The following GTF3C1 variants were observed in gnomAD, a reference collection of about 807,000 sequenced individuals.
The protein encoded by GTF3C1 is general transcription factor 3C polypeptide 1.
In GTF3C1, 57 loss-of-function variants were observed where a neutral mutation model predicts 226.7. That is an observed-to-expected ratio of 0.25 (90% CI 0.20 to 0.31). The LOEUF is 0.31. Ranked by LOEUF, GTF3C1 falls within the 10% of genes least tolerant of loss-of-function variation. GTF3C1 has a pLI of 1.00. For synonymous variants in GTF3C1, 1,090 were observed against 1,084.8 expected, an observed-to-expected ratio of 1.00 and a Z score of -0.09; for missense variants, 2,217 against 2,776.1, an observed-to-expected ratio of 0.80 and a Z score of 4.53.
At position 27,470,787 on chromosome 16, in the gene GTF3C1, C is replaced by T; in HGVS notation, c.4527-392G>A. ...CCAGCCCTGGTCTTACACATGTGCC[C>T]AAGCTGTCTCCACGCAGTGCCTGGT... On this transcript the variant is annotated intron_variant, in intron 30 of 36. Transcript: ENST00000356183. The surrounding 1 kb of genome is among the most constrained non-coding windows in gnomAD (Gnocchi z 4.9). 9.4e-6 allele frequency: 2 copies of T among 213,452 alleles called. No individual in the cohort carries two copies. The highest frequency in any genetic ancestry group is 9.5e-6 in the Non-Finnish European group (1 of 105,330). The allele number at this position is 213,452 out of a possible 1,614,324, so 13.2% of individuals were successfully genotyped here. A position where few individuals can be genotyped will look rare whatever the true frequency, so the allele number is the denominator to read the frequency against.
At chr16:27,527,177 C>T (rs546719117) in intron 6 of GTF3C1, among the ~76,000 whole-genome samples, 2 of 152,224 alleles carry the variant, frequency 1.3e-5, no homozygotes, top group African/African-American at 4.8e-5. Flanking sequence ...CACTGCACTC[C>T]AGCCTGGGAA....
chr16:27,509,066 A>G (rs1023513367), intron 7 of GTF3C1, among the ~76,000 whole-genome samples: 2 of 152,210 alleles, frequency 1.3e-5, no homozygotes, highest in African/African-American at 2.4e-5. Context: ...TTAATTCAGA[A>G]CTTTTCTTAA....
chr16:27,545,584 C>T (rs1596667549), intron 1 of GTF3C1, 61 bp from the exon 2 acceptor site: 3 of 998,908 alleles, frequency 3.0e-6, no homozygotes, highest in South Asian at 2.6e-5. Flanking sequence ...GTGTGCTTGG[C>T]TGTGTTCTTT....
chr16:27,488,742 G>T, intron 21 of GTF3C1, 107 bp from the exon 22 acceptor site: 1 of 911,200 alleles, frequency 1.1e-6, no homozygotes, highest in Non-Finnish European at 1.7e-6. Context: ...GGGCCGCTGT[G>T]CACTGACAGC....
At chr16:27,539,000 TCATC>T (rs1300499378) in intron 2 of GTF3C1, among the ~76,000 whole-genome samples, 4 of 107,328 alleles carry the variant, frequency 3.7e-5, no homozygotes, top group African/African-American at 1.2e-4. Flanking sequence ...ACACACACAC[TCATC>T]TTTTTTTTTT....
At chr16:27,480,767 T>C (rs547116085) in intron 27 of GTF3C1, 1 of 326,784 alleles carries the variant, frequency 3.1e-6, no homozygotes, top group South Asian at 4.0e-5. Flanking sequence ...TTACAAGCAC[T>C]GTGACCTTGG....
At chr16:27,506,440 C>T (rs916376427) in intron 9 of GTF3C1, among the ~76,000 whole-genome samples, 3 of 152,128 alleles carry the variant, frequency 2.0e-5, no homozygotes, top group South Asian at 2.1e-4. Context: ...GGACATTTAA[C>T]GATGTCCCCA....
chr16:27,471,737 C>G lies in GTF3C1; in HGVS notation c.4526+11G>C. 6.2e-7 allele frequency: 1 copy of G among 1,608,108 alleles called. No homozygotes were observed. Among genetic ancestry groups the G allele is most frequent in the East Asian group, 2.2e-5 (1 of 44,828 alleles). On this transcript the variant is annotated intron_variant, in intron 30 of 36. Transcript: ENST00000356183. This position sits in a 1 kb window ranked among gnomAD's most constrained non-coding sequence, Gnocchi z 5.0. ...ACCTCGGAGTACCCAAGGCTCCTGACAGGTACTCACCTGTAGTAGGTCTGG... is the reference window on the plus strand; with the variant it reads ...ACCTCGGAGTACCCAAGGCTCCTGAGAGGTACTCACCTGTAGTAGGTCTGG...
In GTF3C1 at chr16:27,492,695, C is replaced by G. The variant is rs1194895515; in HGVS notation, c.2895G>C (p.Val965=). 1 of 1,596,864 alleles carries G rather than the reference C, an allele frequency of 6.3e-7. No homozygotes were observed. Among genetic ancestry groups the G allele is most frequent in the Non-Finnish European group, 8.6e-7 (1 of 1,164,248 alleles). ...LLYKRRYIFS[V]VENLQRLCYM... is the part of the protein sequence containing the mutation. Reference sequence around the variant, plus strand: ...AGCACAGCCTCTGAAGGTTCTCCACCACCGAAAAAATGTAACGCCTAGAAA... The same window carrying G: ...AGCACAGCCTCTGAAGGTTCTCCACGACCGAAAAAATGTAACGCCTAGAAA... Residue 965 remains valine (V), a synonymous_variant, in exon 18 of 37, where the codon GTG becomes GTC. Transcript: ENST00000356183. The surrounding 1 kb of genome is among the most constrained non-coding windows in gnomAD (Gnocchi z 5.0).
chr16:27,526,213 G>T (rs1415842482), intron 6 of GTF3C1, among the ~76,000 whole-genome samples: 1 of 152,200 alleles, frequency 6.6e-6, no homozygotes, highest in Non-Finnish European at 1.5e-5. Context: ...GTCAGTGTTG[G>T]AAGAGCCAAA....
At position 27,499,160 on chromosome 16, in the gene GTF3C1, A is replaced by C. The variant is rs963727785; in HGVS notation, c.2062-427T>G. On this transcript the variant is annotated intron_variant, in intron 12 of 36. Transcript: ENST00000356183. Reference sequence around the variant, plus strand: ...TGGAAAAGGTAAGCAGCTTTCATTAATCTACCCTTGCTGAGAGTGGCGTCA... The same window carrying C: ...TGGAAAAGGTAAGCAGCTTTCATTACTCTACCCTTGCTGAGAGTGGCGTCA... 4.6e-5 allele frequency among the ~76,000 whole-genome samples: 7 copies of C among 152,220 alleles called. No individual in the cohort carries two copies. In the South Asian group the frequency reaches 1.4e-3, roughly 32 times the overall value.
chr16:27,483,260 C>T (rs1056198219), intron 25 of GTF3C1, 135 bp from the exon 26 acceptor site: 1 of 806,104 alleles, frequency 1.2e-6, no homozygotes, highest in Admixed American at 2.0e-5. Flanking sequence ...GCCTGTTGCA[C>T]AACTGCAGCT....
chr16:27,469,507 C>A lies in GTF3C1; in HGVS notation c.4858G>T (p.Asp1620Tyr). Residue 1620 changes from aspartate (D) to tyrosine (Y), a missense_variant, in exon 32 of 37, where the codon GAT becomes TAT. Asp to Tyr is a radical substitution (Grantham distance 160). This residue lies in a region of GTF3C1 where 546 missense variants were observed against 663.0 expected (regional missense o/e 0.82). Transcript: ENST00000356183. The surrounding 1 kb of genome is among the most constrained non-coding windows in gnomAD (Gnocchi z 4.5). The part of the protein sequence containing the change: ...GSLEDDEDEE[D>Y]DLDEGVGGKR... ...CCCCCTACACCTTCGTCCAAGTCAT[C>A]CTCTTCATCCTCGTCATCCTCCAGG... The A allele has an allele frequency of 6.2e-7, 1 of 1,613,348 alleles. No individual in the cohort carries two copies. The highest frequency in any genetic ancestry group is 8.5e-7 in the Non-Finnish European group (1 of 1,179,298).
chr16:27,537,670 A>G, intron 4 of GTF3C1, 114 bp downstream of exon 4: 1 of 709,434 alleles, frequency 1.4e-6, no homozygotes, highest in South Asian at 2.1e-5. Flanking sequence ...AGCCTCCCAA[A>G]GGGCTATGAT....
Position 27,464,722 on chromosome 16 carries a change from C to A in GTF3C1, c.5470G>T (p.Asp1824Tyr), listed in dbSNP as rs899579907. 9.4e-6 allele frequency: 15 copies of A among 1,595,674 alleles called. No homozygotes were observed. The highest frequency in any genetic ancestry group is 1.3e-5 in the Non-Finnish European group (15 of 1,178,092). ...GGGTCTTCTCTCTGGATGTCGGCGT[C>A]TTCTCTGTCTTTCAGCCGCACGGAG... Reference protein sequence around the residue: ...LHSVRLKDREDADIQREDPQA... With the variant: ...LHSVRLKDREYADIQREDPQA... Residue 1824 changes from aspartate (D) to tyrosine (Y), a missense_variant, in exon 34 of 37, where the codon GAC becomes TAC. This residue lies in a region of GTF3C1 where 455 missense variants were observed against 441.9 expected (regional missense o/e 1.03). Transcript: ENST00000356183.
Position 27,492,410 on chromosome 16 carries a change from C to A in GTF3C1, c.3079G>T (p.Val1027Phe). ...SSRPFERRLY[V>F]LNSMQDVENY... Reference sequence around the variant, plus strand: ...TCCACATCCTGCATTGAGTTCAGGACATAGAGGCGCCTCTCGAAGGGCCGG... The same window carrying A: ...TCCACATCCTGCATTGAGTTCAGGAAATAGAGGCGCCTCTCGAAGGGCCGG... The change falls in exon 19 of 37, where the codon GTC becomes TTC. Residue 1027 changes from valine to phenylalanine, a missense_variant. This residue lies in a region of GTF3C1 where 353 missense variants were observed against 411.7 expected (regional missense o/e 0.86). Transcript: ENST00000356183. This position sits in a 1 kb window ranked among gnomAD's most constrained non-coding sequence, Gnocchi z 5.0. 1.2e-6 allele frequency: 2 copies of A among 1,610,966 alleles called. No homozygotes were observed. The highest frequency in any genetic ancestry group is 8.5e-7 in the Non-Finnish European group (1 of 1,177,398).
chr16:27,526,213 G>C (rs1415842482), intron 6 of GTF3C1, among the ~76,000 whole-genome samples: 1 of 152,200 alleles, frequency 6.6e-6, no homozygotes, highest in Non-Finnish European at 1.5e-5. Context: ...GTCAGTGTTG[G>C]AAGAGCCAAA....
chr16:27,516,665 A>C (rs2088663290), intron 6 of GTF3C1, among the ~76,000 whole-genome samples: 1 of 152,230 alleles, frequency 6.6e-6, no homozygotes, highest in Non-Finnish European at 1.5e-5. Context: ...CTTTTGAGAC[A>C]AAGTCTCGCT....
Position 27,464,346 on chromosome 16 carries a change from G to C in GTF3C1, c.5846C>G (p.Pro1949Arg). 6.5e-7 allele frequency: 1 copy of C among 1,539,234 alleles called. No individual in the cohort carries two copies. The highest frequency in any genetic ancestry group is 8.7e-7 in the Non-Finnish European group (1 of 1,147,156). The change falls in exon 34 of 37, where the codon CCT becomes CGT. Residue 1949 changes from proline to arginine, a missense_variant. This residue lies in a region of GTF3C1 where 455 missense variants were observed against 441.9 expected (regional missense o/e 1.03). Coordinates refer to ENST00000356183, the MANE Select transcript of GTF3C1 (RefSeq NM_001520.4). ...GQEQLSGQAQ[P>R]PEGSEDPRGF... ...TCTGGGGTCTTCAGAGCCCTCTGGA[G>C]GCTGCGCCTGGCCGCTCAGCTGCTC... is the stretch of plus-strand genomic sequence containing the variant.
Sources: allele counts gnomAD v4.1 joint callset (sites outside exome capture counted in the v4.1 genomes callset), GRCh38; gene constraint gnomAD v4.1.1; regional missense constraint gnomAD v4.1.1; non-coding constraint Gnocchi (gnomAD v3.1); transcripts MANE v1.5; gene names NCBI Gene and HGNC (gene_info 2026-07-23, HGNC 2026-07-21).